Variants in LPCAT1 observed in about 807,000 individuals in gnomAD.
The protein encoded by LPCAT1 is lysophosphatidylcholine acyltransferase 1, also known as 1-acylglycerol-3-phosphate O-acyltransferase.
In LPCAT1, 23 loss-of-function variants were observed where a neutral mutation model predicts 60.9. The observed-to-expected ratio is 0.38, with a 90% CI of 0.27 to 0.53. LPCAT1 has a LOEUF of 0.53. LPCAT1 is among the 20% of genes least tolerant of loss of function. LPCAT1 has a pLI of 0.82. For missense variants in LPCAT1, 622 were observed against 723.6 expected, an observed-to-expected ratio of 0.86 and a Z score of 1.61; for synonymous variants, 340 against 301.1, an observed-to-expected ratio of 1.13 and a Z score of -1.34.
intron 2 of LPCAT1, among the ~76,000 whole-genome samples, chr5:1,499,249 C>T (rs1025443771): frequency 6.6e-6 from 1 of 152,212 alleles, no homozygotes; most frequent in Admixed American, 6.5e-5. Flanking sequence ...AGAGCCTGTG[C>T]TCGCACGGGG....
intron 6 of LPCAT1, among the ~76,000 whole-genome samples, chr5:1,482,539 A>G (rs1438824204): frequency 8.7e-5 from 1 of 11,510 alleles, no homozygotes; most frequent in Non-Finnish European, 1.4e-4. Flanking sequence ...GGTGGGGCAG[A>G]GCCAGGGCAG....
At chr5:1,471,530 C>T (rs1349933427) in intron 11 of LPCAT1, among the ~76,000 whole-genome samples, 3 of 152,290 alleles carry the variant, frequency 2.0e-5, no homozygotes, top group East Asian at 3.9e-4. Flanking sequence ...GCAGGGTGTG[C>T]CCAGGCCACA....
At chr5:1,484,030 C>T (rs1465430828) in intron 5 of LPCAT1, among the ~76,000 whole-genome samples, 1 of 152,260 alleles carries the variant, frequency 6.6e-6, no homozygotes, top group Non-Finnish European at 1.5e-5. Flanking sequence ...CCTCACCAAG[C>T]ACATACACCT....
chr5:1,510,177 C>T (rs752245574), intron 1 of LPCAT1, among the ~76,000 whole-genome samples: 3 of 152,184 alleles, frequency 2.0e-5, no homozygotes, highest in African/African-American at 4.8e-5. Flanking sequence ...ACCCCCACCC[C>T]GTGTGACTGC....
At position 1,477,472 on chromosome 5, in the gene LPCAT1, G is replaced by A; in HGVS notation, c.831C>T (p.Tyr277=). The A allele has an allele frequency of 6.2e-7, 1 of 1,613,750 alleles. No individual in the cohort carries two copies. Among genetic ancestry groups the A allele is most frequent in the Admixed American group, 1.7e-5 (1 of 59,982 alleles). ...NQVEIEFLPV[Y]SPSEEEKRNP... The stretch of plus-strand genomic sequence containing the variant: ...TCCTCTTCTCCTCCTCAGAAGGGCT[G>A]TACACAGGAAGGAACTGAGCACACA... Residue 277 remains tyrosine (Y), a synonymous_variant, in exon 9 of 14, where the codon TAC becomes TAT. Coordinates refer to ENST00000283415, the MANE Select transcript of LPCAT1 (RefSeq NM_024830.5). The surrounding 1 kb of genome is among the most constrained non-coding windows in gnomAD (Gnocchi z 6.0).
At chr5:1,489,151 G>T (rs563573462) in intron 4 of LPCAT1, among the ~76,000 whole-genome samples, 7 of 152,350 alleles carry the variant, frequency 4.6e-5, no homozygotes, top group East Asian at 1.9e-4. Context: ...CTGTGCTTGT[G>T]GGGGCAGAGC....
rs1222880345 is a variant in LPCAT1 at position 1,521,943 on chromosome 5, C to T, written c.135+1767G>A. 6.6e-6 allele frequency among the ~76,000 whole-genome samples: 1 copy of T among 152,226 alleles called. No individual in the cohort carries two copies. The highest frequency in any genetic ancestry group is 1.5e-5 in the Non-Finnish European group (1 of 68,038). ...TTCTCGCCAGGGCAGTGGGTGCACA[C>T]TTTTGGACAGAACACACCTCAACCG... On this transcript the variant is annotated intron_variant, in intron 1 of 13. Transcript: ENST00000283415. This position sits in a 1 kb window ranked among gnomAD's most constrained non-coding sequence, Gnocchi z 4.3.
At chr5:1,507,155 T>C (rs954217136) in intron 1 of LPCAT1, among the ~76,000 whole-genome samples, 2 of 152,066 alleles carry the variant, frequency 1.3e-5, no homozygotes, top group East Asian at 1.9e-4. Flanking sequence ...CTGGTCACCA[T>C]AGGTCAGGCC....
At position 1,481,555 on chromosome 5, in the gene LPCAT1, C is replaced by A. The variant is rs750403269; in HGVS notation, c.727-579G>T. On this transcript the variant is annotated intron_variant, in intron 6 of 13. Coordinates refer to ENST00000283415, the MANE Select transcript of LPCAT1 (RefSeq NM_024830.5). This position sits in a 1 kb window ranked among gnomAD's most constrained non-coding sequence, Gnocchi z 7.8. The stretch of plus-strand genomic sequence containing the variant: ...GACGGCAGAGGCCCAGACACCGTCA[C>A]CCTGGGGTGGACCTTCTGCTCCCCT... Among the ~76,000 whole-genome samples, 49 of 152,406 alleles carry A rather than the reference C, an allele frequency of 3.2e-4. No homozygotes were observed. The highest frequency in any genetic ancestry group is 1.6e-3 in the Admixed American group (24 of 15,310).
chr5:1,505,292 G>A (rs1736148145), intron 1 of LPCAT1, among the ~76,000 whole-genome samples: 3 of 151,560 alleles, frequency 2.0e-5, no homozygotes, highest in African/African-American at 4.9e-5. Context: ...AGCACCGACT[G>A]CAACACTGCT....
In LPCAT1 at chr5:1,474,425, T is replaced by G; in HGVS notation, c.1025+135A>C. On this transcript the variant is annotated intron_variant, in intron 10 of 13. Coordinates refer to ENST00000283415, the MANE Select transcript of LPCAT1 (RefSeq NM_024830.5). ...TTGAAAGACACTATGTGGGCTTAAG[T>G]TGATATTTGAAAAAAGCCAGAATAA... The G allele has an allele frequency of 8.1e-6, 10 of 1,232,648 alleles. No homozygotes were observed. The South Asian group carries it at 1.6e-4, about 19-fold the overall frequency. The allele number at this position is 1,232,648 out of a possible 1,614,324, so 76.4% of individuals were successfully genotyped here.
At chr5:1,504,091 C>T (rs945638034) in intron 1 of LPCAT1, among the ~76,000 whole-genome samples, 1 of 152,168 alleles carries the variant, frequency 6.6e-6, no homozygotes. Context: ...GTCAAATATT[C>T]TTTTCAACTT....
At position 1,514,572 on chromosome 5, in the gene LPCAT1, G is replaced by A. The variant is rs370846622; in HGVS notation, c.135+9138C>T. 8.5e-5 allele frequency among the ~76,000 whole-genome samples: 13 copies of A among 152,180 alleles called. No homozygotes were observed. The East Asian group carries it at 9.7e-4, about 11-fold the overall frequency. Reference sequence around the variant, plus strand: ...ACGCCCCACACCCTGACCCCCAGGTGTACATTCTGCACATTTTAATTCCGA... The same window carrying A: ...ACGCCCCACACCCTGACCCCCAGGTATACATTCTGCACATTTTAATTCCGA... On this transcript the variant is annotated intron_variant, in intron 1 of 13. Transcript: ENST00000283415.
chr5:1,489,913 G>A, intron 3 of LPCAT1, 55 bp from the exon 4 acceptor site: 1 of 1,307,526 alleles, frequency 7.6e-7, no homozygotes, highest in Non-Finnish European at 1.1e-6. Context: ...CCGCCAGGCA[G>A]GGCTGAGGAA....
Position 1,489,077 on chromosome 5 carries a change from C to T in LPCAT1, c.607-626G>A, listed in dbSNP as rs534287945. ...TGAGGAAGACAGACCTCAGGGGGGCCGGCGTGGGCTCACCCTGGCAAGCCC... is the reference window on the plus strand; with the variant it reads ...TGAGGAAGACAGACCTCAGGGGGGCTGGCGTGGGCTCACCCTGGCAAGCCC... On this transcript the variant is annotated intron_variant, in intron 4 of 13. Transcript: ENST00000283415. Among the ~76,000 whole-genome samples, 6 of 152,336 alleles carry T rather than the reference C, an allele frequency of 3.9e-5. No individual in the cohort carries two copies. The South Asian group carries it at 8.3e-4, about 21-fold the overall frequency.
At chr5:1,492,484 C>G (rs1293352054) in intron 3 of LPCAT1, among the ~76,000 whole-genome samples, 1 of 152,234 alleles carries the variant, frequency 6.6e-6, no homozygotes, top group East Asian at 1.9e-4. Context: ...CAGGCCAGGA[C>G]AGCAGGGAGC....
rs1735076589 is a variant in LPCAT1, at chr5:1,480,136, T to G, written c.762-461A>C. Among the ~76,000 whole-genome samples, 1 of 151,528 alleles carries G rather than the reference T, an allele frequency of 6.6e-6. No individual in the cohort carries two copies. Among genetic ancestry groups the G allele is most frequent in the Non-Finnish European group, 1.5e-5 (1 of 67,892 alleles). ...TTTGGAGCTGCTCCCAGGGCCACAC[T>G]CACGCCTCCGACAGCCCAGTGCCCC... On this transcript the variant is annotated intron_variant, in intron 7 of 13. Transcript: ENST00000283415. The surrounding 1 kb of genome is among the most constrained non-coding windows in gnomAD (Gnocchi z 6.4).
intron 1 of LPCAT1, among the ~76,000 whole-genome samples, chr5:1,517,654 C>A (rs2963277): frequency 3.3e-5 from 5 of 151,394 alleles, no homozygotes; most frequent in African/African-American, 1.2e-4. Context: ...CATGTTTATA[C>A]GAGAAATAGA....
chr5:1,469,482 G>C (rs1477478314), intron 12 of LPCAT1, among the ~76,000 whole-genome samples: 1 of 152,234 alleles, frequency 6.6e-6, no homozygotes, highest in East Asian at 1.9e-4. Context: ...GCAGGGGCTG[G>C]TGGGGCCAGC....
Sources: allele counts gnomAD v4.1 joint callset (sites outside exome capture counted in the v4.1 genomes callset), GRCh38; gene constraint gnomAD v4.1.1; non-coding constraint Gnocchi (gnomAD v3.1); transcripts MANE v1.5; gene names NCBI Gene and HGNC (gene_info 2026-07-23, HGNC 2026-07-21).